Variants in FAM178B observed in about 807,000 individuals in gnomAD.
The protein encoded by FAM178B is family with sequence similarity 178 member B.
Under a neutral mutation model 91.7 loss-of-function variants are expected in FAM178B, and 82 were observed. That is an observed-to-expected ratio of 0.89 (90% CI 0.75 to 1.07). FAM178B has a LOEUF of 1.07. FAM178B is among the 50% of genes least tolerant of loss of function. FAM178B has a pLI of 0.00. For synonymous variants in FAM178B, 368 were observed against 359.4 expected (o/e 1.02, Z -0.27); for missense variants, 769 against 846.7 (o/e 0.91, Z 1.14).
intron 13 of FAM178B, among the ~76,000 whole-genome samples, chr2:96,895,685 G>C (rs1179120309): frequency 6.6e-6 from 1 of 152,236 alleles, no homozygotes; most frequent in Non-Finnish European, 1.5e-5. Flanking sequence ...AGTGGGAGCA[G>C]ATCCAGGGTA....
At position 96,950,085 on chromosome 2, in the gene FAM178B, T is replaced by C. The variant is rs566765038; in HGVS notation, c.993+1294A>G. On this transcript the variant is annotated intron_variant, in intron 7 of 16. Coordinates refer to ENST00000490605, the MANE Select transcript of FAM178B (RefSeq NM_001122646.3). ...GAAGGCTCGTCTGTGCCTCCCAGGA[T>C]GGGGGTCTCTGAACCTGGAAGAAAC... The C allele has an allele frequency of 1.3e-5, 13 of 985,584 alleles. No homozygotes were observed. The African/African-American group carries it at 2.1e-4, about 16-fold the overall frequency. The allele number at this position is 985,584 out of a possible 1,614,324, so 61.1% of individuals were successfully genotyped here.
intron 14 of FAM178B, among the ~76,000 whole-genome samples, chr2:96,884,385 C>A (rs1342076880): frequency 6.6e-6 from 1 of 152,218 alleles, no homozygotes; most frequent in Non-Finnish European, 1.5e-5. Context: ...CAAGGGTCCA[C>A]GGGCCTCCTA....
chr2:96,986,202 C>T, intron 1 of FAM178B, 39 bp downstream of exon 1: 1 of 1,533,862 alleles, frequency 6.5e-7, no homozygotes, highest in East Asian at 2.4e-5. Flanking sequence ...TGAGCGCTAA[C>T]CACGCGCCCC....
chr2:96,902,674 A>G lies in FAM178B; in HGVS notation c.1596T>C (p.Ile532=). The change falls in exon 13 of 17, where the codon ATT becomes ATC. Residue 532 remains isoleucine (I), a synonymous_variant. Transcript: ENST00000490605. The part of the protein sequence containing the change: ...RLRSQLSLVV[I]ARMLGQQEML... ...TCTCCTGCTGGCCCAGCATTCGAGC[A>G]ATGACCACAAGGCTGAGCTGGCTTC... 6.4e-7 allele frequency: 1 copy of G among 1,550,824 alleles called. No individual in the cohort carries two copies. The highest frequency in any genetic ancestry group is 8.7e-7 in the Non-Finnish European group (1 of 1,146,574).
intron 9 of FAM178B, among the ~76,000 whole-genome samples, chr2:96,928,872 G>C (rs1320329022): frequency 6.6e-6 from 1 of 152,172 alleles, no homozygotes; most frequent in African/African-American, 2.4e-5. Flanking sequence ...AGGTGGCTGG[G>C]CATGGGGTGG....
intron 1 of FAM178B, among the ~76,000 whole-genome samples, chr2:96,974,290 G>A (rs2082260738): frequency 6.8e-6 from 1 of 147,950 alleles, no homozygotes; most frequent in African/African-American, 2.5e-5. Context: ...GCTGAGGCAG[G>A]AGAATGGCAT....
At position 96,960,312 on chromosome 2, in the gene FAM178B, C is replaced by A; in HGVS notation, c.863G>T (p.Ser288Ile). ...CCTGAGGAACAGCCCTTCCAGGTGGCTGCGTGGCTTCAGGAGTGAGGAGTC... is the reference window on the plus strand; with the variant it reads ...CCTGAGGAACAGCCCTTCCAGGTGGATGCGTGGCTTCAGGAGTGAGGAGTC... ...ILDSSLLKPR[S>I]HLEGLFLSSP... The change falls in exon 6 of 17, where the codon AGC becomes ATC. Residue 288 changes from serine to isoleucine, a missense_variant. By Grantham distance (142) the Ser-to-Ile change is moderately radical (BLOSUM62 -2). Coordinates refer to ENST00000490605, the MANE Select transcript of FAM178B (RefSeq NM_001122646.3). The A allele has an allele frequency of 6.4e-7, 1 of 1,551,784 alleles. No homozygotes were observed. The highest frequency in any genetic ancestry group is 8.7e-7 in the Non-Finnish European group (1 of 1,147,008).
At chr2:96,877,248 C>T (rs1429497235) in intron 16 of FAM178B, among the ~76,000 whole-genome samples, 4 of 152,194 alleles carry the variant, frequency 2.6e-5, no homozygotes, top group Non-Finnish European at 5.9e-5. Context: ...GCCCACAGCA[C>T]AAGTGAACAG....
chr2:96,984,540 G>A (rs1480486519), intron 1 of FAM178B, among the ~76,000 whole-genome samples: 1 of 152,170 alleles, frequency 6.6e-6, no homozygotes, highest in Non-Finnish European at 1.5e-5. Flanking sequence ...AGACTGGCTG[G>A]CTGCTTATGA....
intron 1 of FAM178B, 36 bp downstream of exon 1, chr2:96,986,205 C>G (rs1432241017): frequency 6.5e-7 from 1 of 1,533,826 alleles, no homozygotes; most frequent in African/African-American, 1.4e-5. Context: ...GCGCTAACCA[C>G]GCGCCCCTGC....
intron 6 of FAM178B, among the ~76,000 whole-genome samples, chr2:96,952,888 G>A (rs1236370655): frequency 1.3e-5 from 2 of 151,910 alleles, no homozygotes; most frequent in African/African-American, 2.4e-5. Context: ...AGTACTTAAC[G>A]TTGCCACCCT....
intron 5 of FAM178B, among the ~76,000 whole-genome samples, chr2:96,961,219 G>A (rs2082076049): frequency 6.6e-6 from 1 of 152,222 alleles, no homozygotes; most frequent in East Asian, 1.9e-4. Context: ...AAGGGAGGCA[G>A]CGAAGATGTT....
At position 96,960,362 on chromosome 2, in the gene FAM178B, C is replaced by A. The variant is rs1372792171; in HGVS notation, c.813G>T (p.Arg271Ser). Residue 271 changes from arginine to serine, a missense_variant, in exon 6 of 17, where the codon AGG becomes AGT. By Grantham distance (110) the Arg-to-Ser change is moderately radical (BLOSUM62 -1). Transcript: ENST00000490605. ...VHPGETVFLP[R>S]CHPLPCILDS... ...CCAGGATGCATGGCAGGGGGTGACA[C>A]CTGGGCAGAAACACAGTCTCACCTG... 3 of 1,551,740 alleles carry A rather than the reference C, an allele frequency of 1.9e-6. No individual in the cohort carries two copies. Among genetic ancestry groups the A allele is most frequent in the Non-Finnish European group, 8.7e-7 (1 of 1,147,034 alleles).
intron 12 of FAM178B, among the ~76,000 whole-genome samples, chr2:96,912,610 G>T (rs1053880003): frequency 6.6e-6 from 1 of 152,146 alleles, no homozygotes; most frequent in Non-Finnish European, 1.5e-5. Context: ...TGTCTCCTCA[G>T]CTCCTGGCCC....
At chr2:96,923,631 C>T (rs1272668888) in intron 9 of FAM178B, 48 bp from the exon 10 acceptor site, 1 of 1,461,788 alleles carries the variant, frequency 6.8e-7, no homozygotes, top group East Asian at 2.5e-5. Flanking sequence ...GGAGGGGGCA[C>T]AGGGGCAGGA....
chr2:96,910,447 A>C (rs767562787), intron 12 of FAM178B, among the ~76,000 whole-genome samples: 2 of 152,210 alleles, frequency 1.3e-5, no homozygotes, highest in Non-Finnish European at 2.9e-5. Flanking sequence ...GTTCTCCTTG[A>C]CAAAGACGGC....
At chr2:96,970,567 G>A (rs2082203856) in intron 4 of FAM178B, 149 bp downstream of exon 4, 3 of 550,716 alleles carry the variant, frequency 5.4e-6, no homozygotes, top group Non-Finnish European at 9.5e-6. Flanking sequence ...CTGCCCTGGC[G>A]ACCTGCCTGT....
rs1479854653 is a variant in FAM178B, at chr2:96,878,400, C to G, written c.1854+16G>C. ...CTGGGCACCCCCACCACAGCCCTGCCCCTTGGGAGACTCACCCACTGGTCT... is the reference window on the plus strand; with the variant it reads ...CTGGGCACCCCCACCACAGCCCTGCGCCTTGGGAGACTCACCCACTGGTCT... On this transcript the variant is annotated intron_variant, in intron 15 of 16. Coordinates refer to ENST00000490605, the MANE Select transcript of FAM178B (RefSeq NM_001122646.3). The G allele has an allele frequency of 2.5e-6, 4 of 1,612,762 alleles. No individual in the cohort carries two copies. In the African/African-American group the frequency reaches 5.3e-5, roughly 22 times the overall value.
intron 13 of FAM178B, among the ~76,000 whole-genome samples, chr2:96,901,356 T>C (rs2080928567): frequency 6.6e-6 from 1 of 151,732 alleles, no homozygotes; most frequent in Non-Finnish European, 1.5e-5. Context: ...GTTTTTTTAG[T>C]AGAGACGGGG....
Sources: allele counts gnomAD v4.1 joint callset (sites outside exome capture counted in the v4.1 genomes callset), GRCh38; gene constraint gnomAD v4.1.1; transcripts MANE v1.5; gene names NCBI Gene and HGNC (gene_info 2026-07-23, HGNC 2026-07-21).